OXSR1: variants seen among roughly 807,000 people sequenced by gnomAD.
The protein encoded by OXSR1 is serine/threonine-protein kinase OSR1.
A neutral mutation model predicts 79.8 loss-of-function variants in OXSR1; 24 were observed. The ratio of observed to expected loss-of-function variants is 0.30; its 90% confidence interval spans 0.22 to 0.42. The LOEUF (loss-of-function observed/expected upper bound fraction) is 0.42. Ranked by LOEUF, OXSR1 falls within the 10% of genes least tolerant of loss-of-function variation. The probability of loss-of-function intolerance (pLI) is 1.00; values close to 1 mark genes in which losing one functional copy is unlikely to be tolerated. For missense variants in OXSR1, 430 were observed against 618.4 expected, an observed-to-expected ratio of 0.70 and a Z score of 3.23; for synonymous variants, 226 against 209.2, an observed-to-expected ratio of 1.08 and a Z score of -0.69.
intron 3 of OXSR1, among the ~76,000 whole-genome samples, chr3:38,198,219 C>T (rs1015529102): frequency 6.6e-6 from 1 of 152,074 alleles, no homozygotes; most frequent in Non-Finnish European, 1.5e-5. Flanking sequence ...TCTTTTATTT[C>T]TATAATTTAT....
chr3:38,174,833 G>C (rs1475716016), intron 1 of OXSR1, among the ~76,000 whole-genome samples: 1 of 152,232 alleles, frequency 6.6e-6, no homozygotes, highest in African/African-American at 2.4e-5. Flanking sequence ...CATCCGCTCA[G>C]ATGGGAGATC....
chr3:38,197,349 C>A (rs992095677), intron 3 of OXSR1, among the ~76,000 whole-genome samples: 17 of 152,332 alleles, frequency 1.1e-4, no homozygotes, highest in African/African-American at 4.1e-4. Context: ...GAGAATCTTA[C>A]TCTGTCTTAT....
intron 4 of OXSR1, among the ~76,000 whole-genome samples, chr3:38,209,955 G>T (rs1440140742): frequency 6.6e-6 from 1 of 152,064 alleles, no homozygotes; most frequent in Non-Finnish European, 1.5e-5. Context: ...TGCAAGGCAG[G>T]TCTGCTCACT....
intron 4 of OXSR1, among the ~76,000 whole-genome samples, chr3:38,199,865 C>G (rs945816406): frequency 6.6e-6 from 1 of 152,168 alleles, no homozygotes; most frequent in Non-Finnish European, 1.5e-5. Context: ...CTCTCCTAGT[C>G]CCATCATGTG....
chr3:38,200,888 A>C (rs893215775), intron 4 of OXSR1, among the ~76,000 whole-genome samples: 14 of 152,254 alleles, frequency 9.2e-5, no homozygotes, highest in African/African-American at 3.4e-4. Flanking sequence ...TATTAGCAGT[A>C]CATAAGAATG....
At chr3:38,233,976 C>T (rs998070221) in intron 10 of OXSR1, among the ~76,000 whole-genome samples, 13 of 152,062 alleles carry the variant, frequency 8.5e-5, no homozygotes, top group Non-Finnish European at 1.5e-4. Context: ...AAGAAGCTTT[C>T]GTGCCATGAC....
intron 2 of OXSR1, among the ~76,000 whole-genome samples, chr3:38,186,435 A>G (rs957615227): frequency 6.6e-6 from 1 of 152,208 alleles, no homozygotes; most frequent in African/African-American, 2.4e-5. Context: ...CACCCCAAAA[A>G]GAAACTCCAT....
chr3:38,226,174 T>A (rs1449628317), intron 8 of OXSR1, among the ~76,000 whole-genome samples: 1 of 152,086 alleles, frequency 6.6e-6, no homozygotes, highest in African/African-American at 2.4e-5. Context: ...ATTGGATTCC[T>A]GAACATAATG....
chr3:38,187,063 G>T (rs1172729186), intron 2 of OXSR1, among the ~76,000 whole-genome samples: 4 of 152,048 alleles, frequency 2.6e-5, no homozygotes, highest in African/African-American at 9.7e-5. Context: ...AGACATCAGT[G>T]GCAAAGAGAC....
At chr3:38,188,824 C>T (rs759582135) in intron 2 of OXSR1, among the ~76,000 whole-genome samples, 1 of 152,132 alleles carries the variant, frequency 6.6e-6, no homozygotes, top group African/African-American at 2.4e-5. Flanking sequence ...TAATGTGCCT[C>T]TCCAATGAAA....
At chr3:38,166,360 TCCTC>T (rs1701456262) in intron 1 of OXSR1, among the ~76,000 whole-genome samples, 1 of 152,060 alleles carries the variant, frequency 6.6e-6, no homozygotes, top group South Asian at 2.1e-4. Flanking sequence ...TTTAAGTTTT[TCCTC>T]CATCCGTGCT....
intron 11 of OXSR1, among the ~76,000 whole-genome samples, chr3:38,239,203 T>G (rs1702978344): frequency 6.6e-6 from 1 of 152,164 alleles, no homozygotes; most frequent in South Asian, 2.1e-4. Context: ...CTCTTCTAAT[T>G]CTAACATCCA....
At chr3:38,228,758 G>A (rs962165973) in intron 8 of OXSR1, among the ~76,000 whole-genome samples, 1 of 152,164 alleles carries the variant, frequency 6.6e-6, no homozygotes, top group Non-Finnish European at 1.5e-5. Flanking sequence ...TTTTTTAGCA[G>A]AGACTGGGTG....
chr3:38,250,803 T>C (rs1703241046), intron 15 of OXSR1, among the ~76,000 whole-genome samples: 2 of 152,190 alleles, frequency 1.3e-5, no homozygotes, highest in African/African-American at 4.8e-5. Context: ...TGTGAATGTG[T>C]GGACACTGTC....
At chr3:38,233,506 A>G (rs938822428) in intron 10 of OXSR1, among the ~76,000 whole-genome samples, 6 of 152,262 alleles carry the variant, frequency 3.9e-5, no homozygotes, top group Non-Finnish European at 8.8e-5. Flanking sequence ...CCTCAGGGAA[A>G]CCTCTTAATG....
At chr3:38,186,634 G>A (rs899584560) in intron 2 of OXSR1, among the ~76,000 whole-genome samples, 10 of 152,132 alleles carry the variant, frequency 6.6e-5, no homozygotes, top group Non-Finnish European at 8.8e-5. Flanking sequence ...GCATGTATCA[G>A]TTCTTTTTTC....
intron 5 of OXSR1, among the ~76,000 whole-genome samples, chr3:38,217,095 T>C (rs1234069259): frequency 1.3e-5 from 2 of 152,178 alleles, no homozygotes; most frequent in African/African-American, 4.8e-5. Flanking sequence ...AAAAAAACTC[T>C]AAAAAAGTGG....
chr3:38,182,500 C>G (rs1424933190), intron 1 of OXSR1, among the ~76,000 whole-genome samples: 2 of 152,200 alleles, frequency 1.3e-5, no homozygotes, highest in Non-Finnish European at 2.9e-5. Flanking sequence ...ATTTATTTGT[C>G]TTTATCTGCC....
At chr3:38,173,391 A>C (rs987784094) in intron 1 of OXSR1, among the ~76,000 whole-genome samples, 6 of 152,218 alleles carry the variant, frequency 3.9e-5, no homozygotes, top group African/African-American at 1.4e-4. Context: ...GATTAAGAGC[A>C]TAATGTTGAA....
Sources: gnomAD v4.1 joint callset for allele counts (sites outside exome capture counted in the v4.1 genomes callset) on GRCh38, gnomAD v4.1.1 for gene constraint, MANE v1.5 for transcripts, NCBI Gene and HGNC (gene_info 2026-07-23, HGNC 2026-07-21) for gene names.